CNTNAP2: variants seen among roughly 807,000 people sequenced by gnomAD.
CNTNAP2 encodes contactin associated protein 2.
Under a neutral mutation model 155.2 loss-of-function variants are expected in CNTNAP2, and 98 were observed. The ratio of observed to expected loss-of-function variants is 0.63; its 90% CI spans 0.54 to 0.75. The LOEUF (loss-of-function observed/expected upper bound fraction) is 0.75. CNTNAP2 is among the 30% of genes least tolerant of loss of function. The probability of loss-of-function intolerance (pLI) is 0.00; values close to 1 mark genes in which losing one functional copy is unlikely to be tolerated. For missense variants in CNTNAP2, 1,727 were observed against 1,688.1 expected (o/e 1.02, Z -0.40); for synonymous variants, 651 against 631.2 (o/e 1.03, Z -0.47).
intron 1 of CNTNAP2, among the ~76,000 whole-genome samples, chr7:146,184,365 TG>T (rs1798593402): frequency 6.6e-6 from 1 of 152,112 alleles, no homozygotes; most frequent in South Asian, 2.1e-4. Flanking sequence ...TGAGATAGTG[TG>T]GAACATAATT....
chr7:146,566,081 G>A (rs1179256122), intron 1 of CNTNAP2, among the ~76,000 whole-genome samples: 1 of 152,224 alleles, frequency 6.6e-6, no homozygotes, highest in African/African-American at 2.4e-5. Flanking sequence ...ACCCCCACCA[G>A]GCAGGTTGCC....
At chr7:146,642,788 G>T (rs1026705030) in intron 1 of CNTNAP2, among the ~76,000 whole-genome samples, 1 of 151,806 alleles carries the variant, frequency 6.6e-6, no homozygotes. Context: ...GTGTAAAAGT[G>T]TTCCTATTTC....
intron 1 of CNTNAP2, among the ~76,000 whole-genome samples, chr7:146,685,972 C>T (rs1800591438): frequency 6.6e-6 from 1 of 151,928 alleles, no homozygotes; most frequent in Non-Finnish European, 1.5e-5. Context: ...TTTAATAACA[C>T]TTAGTGTAAT....
chr7:146,744,028 ACCAGCCTTG>A (rs1801766244), intron 1 of CNTNAP2, among the ~76,000 whole-genome samples: 1 of 151,966 alleles, frequency 6.6e-6, no homozygotes, highest in African/African-American at 2.4e-5. Flanking sequence ...GGAGTTTGAG[ACCAGCCTTG>A]CCAACATGGT....
At chr7:147,734,874 A>T (rs142762381) in intron 13 of CNTNAP2, among the ~76,000 whole-genome samples, 2 of 151,674 alleles carry the variant, frequency 1.3e-5, no homozygotes, top group African/African-American at 2.4e-5. Context: ...CCCCTTTATC[A>T]TTTTTTATTG....
intron 15 of CNTNAP2, among the ~76,000 whole-genome samples, chr7:148,031,279 A>C (rs187251890): frequency 7.5e-4 from 114 of 152,316 alleles, no homozygotes; most frequent in African/African-American, 2.6e-3. Context: ...GGGCAGAGTA[A>C]GAATTTACAA....
At chr7:147,773,917 C>A (rs553244334) in intron 13 of CNTNAP2, among the ~76,000 whole-genome samples, 19 of 152,242 alleles carry the variant, frequency 1.2e-4, no homozygotes, top group African/African-American at 4.3e-4. Context: ...CTCCTACTAC[C>A]TTAACTTTCA....
At chr7:148,306,267 G>C (rs1343119261) in intron 21 of CNTNAP2, among the ~76,000 whole-genome samples, 1 of 152,084 alleles carries the variant, frequency 6.6e-6, no homozygotes, top group East Asian at 1.9e-4. Flanking sequence ...TTTGTTTTCT[G>C]AAATCTCATG....
Position 147,688,737 on chromosome 7 carries a change from T to G in CNTNAP2, c.2098+49431T>G, listed in dbSNP as rs185889327. Among the ~76,000 whole-genome samples the G allele has an allele frequency of 1.7e-4, 26 of 151,810 alleles. No individual in the cohort carries two copies. In the East Asian group the frequency reaches 5.1e-3, roughly 30 times the overall value. On this transcript the variant is annotated intron_variant, in intron 13 of 23. Coordinates refer to ENST00000361727, the MANE Select transcript of CNTNAP2 (RefSeq NM_014141.6). ...CACACAAGCCTCTGTGGTTATACTATGCTGCAGAGAAGAGGGCAAATTAAA... is the reference window on the plus strand; with the variant it reads ...CACACAAGCCTCTGTGGTTATACTAGGCTGCAGAGAAGAGGGCAAATTAAA...
At chr7:146,853,112 A>T (rs536177135) in intron 3 of CNTNAP2, among the ~76,000 whole-genome samples, 2 of 152,360 alleles carry the variant, frequency 1.3e-5, no homozygotes, top group Non-Finnish European at 2.9e-5. Flanking sequence ...AGAAACGTCC[A>T]GTCCCTTTGG....
intron 13 of CNTNAP2, among the ~76,000 whole-genome samples, chr7:147,793,426 T>C (rs1413226551): frequency 6.6e-6 from 1 of 152,116 alleles, no homozygotes; most frequent in African/African-American, 2.4e-5. Context: ...AGCAGCTTCA[T>C]TTATTGAAAA....
chr7:146,196,796 C>T (rs1159744989), intron 1 of CNTNAP2, among the ~76,000 whole-genome samples: 1 of 151,894 alleles, frequency 6.6e-6, no homozygotes, highest in Non-Finnish European at 1.5e-5. Flanking sequence ...AGACATACAC[C>T]AAGAGTTAAC....
At chr7:146,797,751 C>T (rs1427788609) in intron 2 of CNTNAP2, among the ~76,000 whole-genome samples, 1 of 152,222 alleles carries the variant, frequency 6.6e-6, no homozygotes, top group Non-Finnish European at 1.5e-5. Context: ...TTAGTTCTCA[C>T]TAAGATACGT....
intron 12 of CNTNAP2, among the ~76,000 whole-genome samples, chr7:147,583,657 G>A (rs150983393): frequency 6.6e-6 from 1 of 151,664 alleles, no homozygotes; most frequent in Admixed American, 6.6e-5. Flanking sequence ...GCAGATAATT[G>A]TATTCCTCAC....
chr7:147,413,965 A>G (rs1797144603), intron 10 of CNTNAP2, among the ~76,000 whole-genome samples: 1 of 152,236 alleles, frequency 6.6e-6, no homozygotes, highest in Admixed American at 6.5e-5. Flanking sequence ...CACCTGAAAT[A>G]GTCTGGCACA....
At chr7:147,903,056 T>A (rs1390509379) in intron 13 of CNTNAP2, among the ~76,000 whole-genome samples, 1 of 152,164 alleles carries the variant, frequency 6.6e-6, no homozygotes, top group Admixed American at 6.6e-5. Flanking sequence ...TCCACGCTGT[T>A]TTCCATAGTG....
chr7:147,035,347 T>A (rs1799134796), intron 3 of CNTNAP2, among the ~76,000 whole-genome samples: 1 of 152,202 alleles, frequency 6.6e-6, no homozygotes, highest in South Asian at 2.1e-4. Context: ...TAGCTAGTCC[T>A]GGAAACTCAC....
At chr7:147,668,100 AC>A (rs1795728161) in intron 13 of CNTNAP2, among the ~76,000 whole-genome samples, 1 of 152,134 alleles carries the variant, frequency 6.6e-6, no homozygotes, top group African/African-American at 2.4e-5. Context: ...TGAGAAATTG[AC>A]TAATGAGGAG....
chr7:147,934,954 TATAAG>T (rs1409748404), intron 14 of CNTNAP2, among the ~76,000 whole-genome samples: 9 of 152,232 alleles, frequency 5.9e-5, no homozygotes, highest in South Asian at 2.1e-4. Context: ...CGTTTAAATT[TATAAG>T]ATGAGTACAG....
Sources: allele counts gnomAD v4.1 joint callset (sites outside exome capture counted in the v4.1 genomes callset), GRCh38; gene constraint gnomAD v4.1.1; transcripts MANE v1.5; gene names NCBI Gene and HGNC (gene_info 2026-07-23, HGNC 2026-07-21).